The following EDRF1 variants were observed in gnomAD, a reference collection of about 807,000 sequenced individuals.
EDRF1 encodes the protein erythroid differentiation regulatory factor 1.
EDRF1 carries 69 observed loss-of-function variants against 148.7 expected under a neutral mutation model. That is an observed-to-expected ratio of 0.46 (90% CI 0.38 to 0.57). The LOEUF (loss-of-function observed/expected upper bound fraction) is 0.57, where lower values mean the gene tolerates loss of function less well. EDRF1 is among the 20% of genes least tolerant of loss of function. The pLI, the probability that EDRF1 is intolerant of heterozygous loss-of-function variation, is 0.00. For missense variants in EDRF1, 1,118 were observed against 1,478.7 expected, an observed-to-expected ratio of 0.76 and a Z score of 4.00; for synonymous variants, 515 against 532.8, an observed-to-expected ratio of 0.97 and a Z score of 0.46.
Position 125,733,647 on chromosome 10 carries a change from A to T in EDRF1, c.1289A>T (p.Asp430Val), listed in dbSNP as rs753615137. 8 of 1,613,442 alleles carry T rather than the reference A, an allele frequency of 5.0e-6. No individual in the cohort carries two copies. The highest frequency in any genetic ancestry group is 1.3e-5 in the African/African-American group (1 of 74,900). ...TYWLFKASGS[D>V]IVKLYDLTTL... ...TTTTTCTTTTCAGCAAGTGGCAGCG[A>T]TATAGTGAAGCTCTATGACCTCACT... is the stretch of plus-strand genomic sequence containing the variant. Residue 430 changes from aspartate (D) to valine (V), a missense_variant, in exon 11 of 25, where the codon GAT becomes GTT. Around this residue, in one of 3 missense-constraint regions of EDRF1, gnomAD observed 954 missense variants for 1,241.4 expected, o/e 0.77. Transcript: ENST00000356792.
chr10:125,720,226 G>T (rs1564727479), intron 1 of EDRF1, among the ~76,000 whole-genome samples: 3 of 152,212 alleles, frequency 2.0e-5, no homozygotes, highest in Admixed American at 6.5e-5. Context: ...GACTCGCCGA[G>T]AATGAGACCG....
intron 21 of EDRF1, 162 bp downstream of exon 21, chr10:125,748,174 C>T (rs944745648): frequency 8.7e-6 from 7 of 807,812 alleles, no homozygotes; most frequent in African/African-American, 8.5e-5. Flanking sequence ...TGTGCTGTGC[C>T]ACTTAAACAA....
In EDRF1 at chr10:125,752,833, A is replaced by G. The variant is rs747771699; in HGVS notation, c.3312A>G (p.Leu1104=). 1.7e-5 allele frequency: 28 copies of G among 1,613,902 alleles called. No individual in the cohort carries two copies. The highest frequency in any genetic ancestry group is 4.5e-5 in the East Asian group (2 of 44,856). The change falls in exon 23 of 25, where the codon CTA becomes CTG. Residue 1104 remains leucine (L), a synonymous_variant. Coordinates refer to ENST00000356792, the MANE Select transcript of EDRF1 (RefSeq NM_001202438.2). The stretch of plus-strand genomic sequence containing the variant: ...GCAATGTTGGAAAGTTGAAAACACT[A>G]TCTGGGGCTCTTGATATAATGGTGA... ...QNSNVGKLKT[L]SGALDIMVRT...
rs1022444868 is a variant in EDRF1 at position 125,723,462 on chromosome 10, A to G, written c.384+328A>G. Reference sequence around the variant, plus strand: ...TGTTACCAGTTGAGTTACAAATGATATTTCTAGTAAAATCTATTGGATCCT... The same window carrying G: ...TGTTACCAGTTGAGTTACAAATGATGTTTCTAGTAAAATCTATTGGATCCT... On this transcript the variant is annotated intron_variant, in intron 3 of 24. Coordinates refer to ENST00000356792, the MANE Select transcript of EDRF1 (RefSeq NM_001202438.2). Among the ~76,000 whole-genome samples the G allele has an allele frequency of 6.6e-4, 101 of 152,212 alleles. 6 individuals carry two copies. The highest frequency in any genetic ancestry group is 4.1e-4 in the South Asian group (2 of 4,834).
intron 6 of EDRF1, among the ~76,000 whole-genome samples, chr10:125,727,975 T>C (rs1160409239): frequency 6.6e-6 from 1 of 151,828 alleles, no homozygotes; most frequent in Non-Finnish European, 1.5e-5. Context: ...GGTGGGTGGA[T>C]CACTTGAGGC....
At chr10:125,741,859 ATTTTTGTATT>A (rs1219057081) in intron 17 of EDRF1, among the ~76,000 whole-genome samples, 5 of 151,780 alleles carry the variant, frequency 3.3e-5, no homozygotes, top group Non-Finnish European at 7.4e-5. Context: ...CACCTAGCTA[ATTTTTGTATT>A]TTTGTTAGAG....
chr10:125,755,773 T>C (rs1849875150), intron 24 of EDRF1, among the ~76,000 whole-genome samples: 1 of 152,236 alleles, frequency 6.6e-6, no homozygotes, highest in African/African-American at 2.4e-5. Flanking sequence ...ATTATCCTTT[T>C]AATGTCTAAG....
chr10:125,725,731 C>T lies in EDRF1; in HGVS notation c.685C>T (p.Gln229Ter). ...AQPVSSTAEQQESSSSDQTND... is the reference protein window; with the variant it reads ...AQPVSSTAEQ Reference sequence around the variant, plus strand: ...GCCTGTCTCATCCACCGCAGAACAGCAGGAATCGTCCAGTTCAGATCAGAC... The same window carrying T: ...GCCTGTCTCATCCACCGCAGAACAGTAGGAATCGTCCAGTTCAGATCAGAC... Residue 229 changes from glutamine (Q) to a stop codon, truncating the protein, a stop_gained, in exon 6 of 25, where the codon CAG becomes TAG. Coordinates refer to ENST00000356792, the MANE Select transcript of EDRF1 (RefSeq NM_001202438.2). LOFTEE classifies it high-confidence loss of function. The T allele has an allele frequency of 6.2e-7, 1 of 1,614,118 alleles. No homozygotes were observed. Among genetic ancestry groups the T allele is most frequent in the Non-Finnish European group, 8.5e-7 (1 of 1,180,006 alleles).
chr10:125,725,505 A>T, intron 5 of EDRF1, 63 bp downstream of exon 5: 1 of 1,600,872 alleles, frequency 6.2e-7, no homozygotes, highest in Middle Eastern at 1.7e-4. Flanking sequence ...ATTTAGTGTG[A>T]AGCTTAATGA....
intron 24 of EDRF1, among the ~76,000 whole-genome samples, chr10:125,761,821 T>C (rs1850206942): frequency 6.6e-6 from 1 of 152,266 alleles, no homozygotes; most frequent in African/African-American, 2.4e-5. Flanking sequence ...GACAGTGTGA[T>C]GTCATTGTCC....
chr10:125,738,569 CTG>C, intron 15 of EDRF1, 124 bp downstream of exon 15: 1 of 1,136,880 alleles, frequency 8.8e-7, no homozygotes, highest in Non-Finnish European at 1.3e-6. Context: ...ATCCTGTGAA[CTG>C]GAATTAGGGG....
At chr10:125,758,582 T>C (rs1416163395) in intron 24 of EDRF1, among the ~76,000 whole-genome samples, 2 of 152,154 alleles carry the variant, frequency 1.3e-5, no homozygotes, top group Non-Finnish European at 2.9e-5. Context: ...TTACCTTCCA[T>C]GTACCACAGG....
intron 17 of EDRF1, 158 bp downstream of exon 17, chr10:125,741,359 C>G (rs1849008353): frequency 2.4e-6 from 2 of 816,866 alleles, no homozygotes; most frequent in Non-Finnish European, 4.0e-6. Flanking sequence ...CTCTTGTTGC[C>G]CAAGCTGGAG....
Position 125,729,002 on chromosome 10 carries a change from G to C in EDRF1, c.793-1G>C, listed in dbSNP as rs1289171938. On this transcript the variant is annotated splice_acceptor_variant, in intron 6 of 24. Transcript: ENST00000356792. LOFTEE classifies it high-confidence loss of function. The stretch of plus-strand genomic sequence containing the variant: ...ACTCCTTATCCTTGCACTTTTCACA[G>C]GGAAGTGAGCCTCTTGAACCCTCAT... 1.3e-6 allele frequency: 2 copies of C among 1,572,930 alleles called. No homozygotes were observed. Among genetic ancestry groups the C allele is most frequent in the African/African-American group, 2.7e-5 (2 of 74,398 alleles).
chr10:125,728,609 G>A (rs1848367432), intron 6 of EDRF1, among the ~76,000 whole-genome samples: 1 of 151,938 alleles, frequency 6.6e-6, no homozygotes, highest in South Asian at 2.1e-4. Flanking sequence ...CTCCCCTGTC[G>A]ACCTCCCACA....
rs1848210648 is a variant in EDRF1 at position 125,725,417 on chromosome 10, A to G, written c.610A>G (p.Ile204Val). Residue 204 changes from isoleucine to valine, a missense_variant, in exon 5 of 25, where the codon ATT becomes GTT. This residue lies in a region of EDRF1 where 954 missense variants were observed against 1,241.4 expected (regional missense o/e 0.77). Coordinates refer to ENST00000356792, the MANE Select transcript of EDRF1 (RefSeq NM_001202438.2). Reference sequence around the variant, plus strand: ...CAAAGAGCACTGGTATCAAAAGGCAATTCTTTCCAAGTTTTTATATTACAG... The same window carrying G: ...CAAAGAGCACTGGTATCAAAAGGCAGTTCTTTCCAAGTTTTTATATTACAG... ...KSKEHWYQKA[I>V]LSKFLYYSIN... 6 of 1,614,040 alleles carry G rather than the reference A, an allele frequency of 3.7e-6. No homozygotes were observed. Among genetic ancestry groups the G allele is most frequent in the East Asian group, 2.2e-5 (1 of 44,846 alleles).
intron 9 of EDRF1, chr10:125,731,885 C>T (rs1564735758): frequency 1.1e-5 from 5 of 453,048 alleles, no homozygotes; most frequent in Non-Finnish European, 2.2e-5. Context: ...TGCTGTTATT[C>T]CTATTTGATG....
chr10:125,741,992 C>A (rs1423444127), intron 17 of EDRF1, among the ~76,000 whole-genome samples: 7 of 152,242 alleles, frequency 4.6e-5, no homozygotes, highest in African/African-American at 7.2e-5. Context: ...CTGCACCCAG[C>A]CTTGTGTCAG....
At chr10:125,723,025 T>C (rs1297067079) in intron 2 of EDRF1, 43 bp from the exon 3 acceptor site, 1 of 1,480,218 alleles carries the variant, frequency 6.8e-7, no homozygotes, top group East Asian at 2.3e-5. Context: ...TGCATGATTA[T>C]GAGCATGACC....
Sources: allele counts gnomAD v4.1 joint callset (sites outside exome capture counted in the v4.1 genomes callset), GRCh38; gene constraint gnomAD v4.1.1; regional missense constraint gnomAD v4.1.1; transcripts MANE v1.5; gene names NCBI Gene and HGNC (gene_info 2026-07-23, HGNC 2026-07-21).